Variants in SH3KBP1 observed in about 807,000 individuals in gnomAD.
SH3KBP1 encodes SH3 domain containing kinase binding protein 1, also known as SH3 domain-containing kinase-binding protein 1.
In SH3KBP1, 8 loss-of-function variants were observed where a neutral mutation model predicts 50.1. That is an observed-to-expected ratio of 0.16 (90% confidence interval 0.09 to 0.29). The LOEUF (loss-of-function observed/expected upper bound fraction) is 0.29, where lower values mean the gene tolerates loss of function less well. Among genes scored for constraint, SH3KBP1 ranks in the 10% least tolerant of loss-of-function variants. The probability of loss-of-function intolerance (pLI) is 1.00; values close to 1 mark genes in which losing one functional copy is unlikely to be tolerated. For missense variants in SH3KBP1, 377 were observed against 535.2 expected, an observed-to-expected ratio of 0.70 and a Z score of 2.92; for synonymous variants, 227 against 218.6, an observed-to-expected ratio of 1.04 and a Z score of -0.34.
At chrX:19,670,703 T>C (rs778055083) in intron 6 of SH3KBP1, among the ~76,000 whole-genome samples, 160 of 110,127 alleles carry the variant, frequency 1.5e-3, no homozygotes, top group African/African-American at 5.0e-3. Context: ...AGCTTATCCA[T>C]AGCTCCCCTC....
intron 1 of SH3KBP1, among the ~76,000 whole-genome samples, chrX:19,838,903 A>AAG (rs1569485842): frequency 3.7e-5 from 4 of 106,882 alleles, no homozygotes; most frequent in Non-Finnish European, 7.8e-5. Flanking sequence ...AAAAAAAAAA[A>AAG]AAAGAAAAAA....
chrX:19,758,298 G>A (rs901068796), intron 2 of SH3KBP1, among the ~76,000 whole-genome samples: 7 of 97,124 alleles, frequency 7.2e-5, no homozygotes, highest in African/African-American at 1.2e-4. Context: ...ACTGAACTCC[G>A]GCCTGGGCCA....
At chrX:19,718,509 C>T (rs2063972690) in intron 3 of SH3KBP1, among the ~76,000 whole-genome samples, 1 of 111,835 alleles carries the variant, frequency 8.9e-6, no homozygotes, top group African/African-American at 3.3e-5. Context: ...CATTTAAATG[C>T]TTCTACAATA....
intron 6 of SH3KBP1, among the ~76,000 whole-genome samples, chrX:19,669,324 T>TAAC (rs1374123054): frequency 3.9e-5 from 4 of 101,779 alleles, no homozygotes; most frequent in African/African-American, 1.5e-4. Context: ...ATAATAATAA[T>TAAC]AATTATTATT....
intron 2 of SH3KBP1, among the ~76,000 whole-genome samples, chrX:19,793,962 G>A (rs1297352492): frequency 9.0e-6 from 1 of 110,636 alleles, no homozygotes; most frequent in Non-Finnish European, 1.9e-5. Flanking sequence ...ATCCAAACCA[G>A]AACATTTCAG....
intron 12 of SH3KBP1, among the ~76,000 whole-genome samples, chrX:19,580,500 G>A (rs907033831): frequency 9.0e-6 from 1 of 111,603 alleles, no homozygotes; most frequent in African/African-American, 3.3e-5. Context: ...AAGCCTGGGT[G>A]TCCCTGGCTC....
intron 1 of SH3KBP1, among the ~76,000 whole-genome samples, chrX:19,870,766 T>C (rs2069020828): frequency 9.0e-6 from 1 of 111,285 alleles, no homozygotes; most frequent in Non-Finnish European, 1.9e-5. Context: ...GAGAACTGTG[T>C]GAAGGGATTC....
At chrX:19,538,939 T>C (rs1415561811) in intron 16 of SH3KBP1, among the ~76,000 whole-genome samples, 4 of 112,298 alleles carry the variant, frequency 3.6e-5, no homozygotes, top group Non-Finnish European at 7.5e-5. Context: ...TACTGGTACG[T>C]TTTCATGGAT....
chrX:19,878,627 A>G (rs1230432545), intron 1 of SH3KBP1, among the ~76,000 whole-genome samples: 8 of 110,110 alleles, frequency 7.3e-5, no homozygotes, highest in Non-Finnish European at 1.1e-4. Context: ...TGGAATCTCA[A>G]CTGGGATCCT....
chrX:19,621,073 C>CTTTTTTTTTTTT (rs1186690221), intron 8 of SH3KBP1, among the ~76,000 whole-genome samples: 1 of 32,676 alleles, frequency 3.1e-5, no homozygotes, highest in Non-Finnish European at 5.9e-5. Flanking sequence ...TCTTTTCTTT[C>CTTTTTTTTTTTT]TTTTTTTTTT....
At chrX:19,747,331 T>C (rs1158624685) in intron 2 of SH3KBP1, among the ~76,000 whole-genome samples, 1 of 112,284 alleles carries the variant, frequency 8.9e-6, no homozygotes, top group Non-Finnish European at 1.9e-5. Context: ...TAAGTCTGTA[T>C]ACAGGAATTC....
intron 2 of SH3KBP1, among the ~76,000 whole-genome samples, chrX:19,773,716 C>T (rs1383950265): frequency 2.8e-5 from 3 of 107,794 alleles, no homozygotes; most frequent in East Asian, 2.9e-4. Flanking sequence ...ATTAGCCAGG[C>T]GTGATGGTGG....
chrX:19,692,675 A>G (rs201357154), intron 5 of SH3KBP1, among the ~76,000 whole-genome samples: 7 of 84,118 alleles, frequency 8.3e-5, no homozygotes, highest in Admixed American at 1.4e-4. Flanking sequence ...GTGTGTATGT[A>G]TATATATATA....
intron 6 of SH3KBP1, among the ~76,000 whole-genome samples, chrX:19,666,771 T>C (rs1448081119): frequency 9.0e-6 from 1 of 111,639 alleles, no homozygotes; most frequent in Non-Finnish European, 1.9e-5. Context: ...ATGCAGCCAC[T>C]GTAGAAAACA....
At chrX:19,712,615 A>G (rs1407305367) in intron 3 of SH3KBP1, among the ~76,000 whole-genome samples, 3 of 111,684 alleles carry the variant, frequency 2.7e-5, no homozygotes, top group Middle Eastern at 4.6e-3. Context: ...CCACTGGGCG[A>G]AAGCTTGTTG....
chrX:19,537,052 A>G (rs983775648), intron 17 of SH3KBP1, among the ~76,000 whole-genome samples: 1 of 112,013 alleles, frequency 8.9e-6, no homozygotes. Context: ...AGAAATCAAG[A>G]GCAAATGCCC....
intron 2 of SH3KBP1, among the ~76,000 whole-genome samples, chrX:19,780,567 T>C (rs1278958379): frequency 9.1e-6 from 1 of 109,422 alleles, no homozygotes; most frequent in Non-Finnish European, 1.9e-5. Flanking sequence ...AGGGTTTTTA[T>C]GGTTTTAGGT....
intron 2 of SH3KBP1, among the ~76,000 whole-genome samples, chrX:19,804,882 A>ACCCCCCCCCCCCCCCCC (rs1171123464): frequency 5.8e-5 from 1 of 17,380 alleles, no homozygotes; most frequent in Non-Finnish European, 9.6e-5. Flanking sequence ...CCCAAACCCT[A>ACCCCCCCCCCCCCCCCC]CCCCCCCCCC....
intron 3 of SH3KBP1, among the ~76,000 whole-genome samples, chrX:19,708,480 A>T (rs1387217919): frequency 1.8e-5 from 2 of 111,476 alleles, no homozygotes; most frequent in African/African-American, 3.3e-5. Context: ...AACCCCAAGG[A>T]GGGCTTGGCT....
Sources: allele counts gnomAD v4.1 joint callset (sites outside exome capture counted in the v4.1 genomes callset), GRCh38; gene constraint gnomAD v4.1.1; transcripts MANE v1.5; gene names NCBI Gene and HGNC (gene_info 2026-07-23, HGNC 2026-07-21).